PLCB1: variants seen among roughly 807,000 people sequenced by gnomAD.
The protein encoded by PLCB1 is 1-phosphatidylinositol 4,5-bisphosphate phosphodiesterase beta-1.
In PLCB1, 46 loss-of-function variants were observed where a neutral mutation model predicts 161.8. The ratio of observed to expected loss-of-function variants is 0.28; its 90% CI spans 0.22 to 0.36. The LOEUF (loss-of-function observed/expected upper bound fraction) is 0.36. PLCB1 is among the 10% of genes least tolerant of loss of function. PLCB1 has a pLI of 1.00. For synonymous variants in PLCB1, 517 were observed against 503.7 expected (o/e 1.03, Z -0.35); for missense variants, 1,016 against 1,472.5 (o/e 0.69, Z 5.07).
chr20:8,726,459 T>C (rs1377860098), intron 16 of PLCB1, among the ~76,000 whole-genome samples: 1 of 152,090 alleles, frequency 6.6e-6, no homozygotes, highest in African/African-American at 2.4e-5. Flanking sequence ...GAAAAGAGGT[T>C]TAGTTGACTC....
At chr20:8,836,866 A>C (rs1231069647) in intron 31 of PLCB1, among the ~76,000 whole-genome samples, 1 of 152,152 alleles carries the variant, frequency 6.6e-6, no homozygotes, top group African/African-American at 2.4e-5. Flanking sequence ...TCTGCCCTCG[A>C]GGAGACCTTT....
chr20:8,503,999 T>TAGA (rs1983530312), intron 3 of PLCB1, among the ~76,000 whole-genome samples: 1 of 152,116 alleles, frequency 6.6e-6, no homozygotes, highest in Non-Finnish European at 1.5e-5. Context: ...CATTACTCAG[T>TAGA]AGAACACTCT....
intron 2 of PLCB1, among the ~76,000 whole-genome samples, chr20:8,187,047 C>A (rs563913267): frequency 7.9e-5 from 12 of 152,258 alleles, no homozygotes; most frequent in Admixed American, 7.8e-4. Flanking sequence ...GGGATTCTTA[C>A]CAGTACATCT....
intron 31 of PLCB1, among the ~76,000 whole-genome samples, chr20:8,811,108 C>G (rs1053286040): frequency 2.0e-5 from 3 of 152,192 alleles, no homozygotes; most frequent in African/African-American, 7.2e-5. Flanking sequence ...GTATGAAGGG[C>G]ATGATCCCCA....
intron 31 of PLCB1, among the ~76,000 whole-genome samples, chr20:8,842,550 TC>T (rs1986545386): frequency 6.6e-6 from 1 of 152,148 alleles, no homozygotes; most frequent in African/African-American, 2.4e-5. Context: ...CAAGAACCCC[TC>T]AGACACCGAG....
At chr20:8,839,620 A>G (rs1036634098) in intron 31 of PLCB1, among the ~76,000 whole-genome samples, 2 of 152,190 alleles carry the variant, frequency 1.3e-5, no homozygotes, top group African/African-American at 4.8e-5. Flanking sequence ...CAAAGCAGGT[A>G]AGTGACTGGT....
rs141521014 is a variant in PLCB1, at chr20:8,805,638, T to C, written c.3423+15377T>C. On this transcript the variant is annotated intron_variant, in intron 31 of 31. Transcript: ENST00000338037. ...CACCTTTAAAGCACATAACATGTGT[T>C]ATCTTCTTATTCTTACCACTGTACA... Among the ~76,000 whole-genome samples the C allele has an allele frequency of 3.5e-4, 54 of 152,362 alleles. No individual in the cohort carries two copies. The East Asian group carries it at 8.3e-3, about 23-fold the overall frequency.
At chr20:8,552,679 C>CA (rs1208598373) in intron 3 of PLCB1, among the ~76,000 whole-genome samples, 2 of 151,880 alleles carry the variant, frequency 1.3e-5, no homozygotes, top group Non-Finnish European at 2.9e-5. Flanking sequence ...CCAAAAGTCA[C>CA]ACATACATAC....
chr20:8,617,265 G>C (rs1441119116), intron 3 of PLCB1, among the ~76,000 whole-genome samples: 1 of 152,074 alleles, frequency 6.6e-6, no homozygotes, highest in African/African-American at 2.4e-5. Context: ...GATACACACA[G>C]CCATTATGAT....
intron 3 of PLCB1, among the ~76,000 whole-genome samples, chr20:8,539,953 G>A (rs979143265): frequency 2.0e-5 from 3 of 152,060 alleles, no homozygotes; most frequent in African/African-American, 7.3e-5. Flanking sequence ...TGTGGTTGGA[G>A]GTTGTCAGTC....
intron 7 of PLCB1, among the ~76,000 whole-genome samples, chr20:8,654,037 T>C (rs1394778082): frequency 6.6e-6 from 1 of 152,088 alleles, no homozygotes; most frequent in Non-Finnish European, 1.5e-5. Flanking sequence ...ATTTTGAGTA[T>C]TTTTCATATG....
At chr20:8,828,753 G>C (rs979427781) in intron 31 of PLCB1, among the ~76,000 whole-genome samples, 30 of 152,156 alleles carry the variant, frequency 2.0e-4, no homozygotes, top group Admixed American at 1.6e-3. Flanking sequence ...TGGGGAGTGG[G>C]GAGAAAAAAC....
chr20:8,854,583 C>G (rs921195535), intron 31 of PLCB1, among the ~76,000 whole-genome samples: 8 of 152,192 alleles, frequency 5.3e-5, no homozygotes, highest in South Asian at 2.1e-4. Flanking sequence ...AAATTAATTA[C>G]GAAGCCAAGT....
Position 8,213,995 on chromosome 20 carries a change from C to A in PLCB1, c.177+63624C>A, listed in dbSNP as rs150304030. On this transcript the variant is annotated intron_variant, in intron 2 of 31. Transcript: ENST00000338037. Reference sequence around the variant, plus strand: ...CTAGCAGTTCTGTTATACTTTAATCCTTAAATATTAGACCAAAGCAGGGAC... The same window carrying A: ...CTAGCAGTTCTGTTATACTTTAATCATTAAATATTAGACCAAAGCAGGGAC... 9.9e-3 allele frequency among the ~76,000 whole-genome samples: 1,501 copies of A among 152,040 alleles called. 27 individuals are homozygous for A. Among genetic ancestry groups the A allele is most frequent in the African/African-American group, 0.031 (1,280 of 41,444 alleles).
chr20:8,718,760 G>A (rs1218805385), intron 14 of PLCB1, among the ~76,000 whole-genome samples: 3 of 152,148 alleles, frequency 2.0e-5, no homozygotes, highest in Non-Finnish European at 2.9e-5. Context: ...TCATTATTCT[G>A]GCTACCATGT....
intron 3 of PLCB1, among the ~76,000 whole-genome samples, chr20:8,422,835 T>A (rs1431328155): frequency 6.6e-6 from 1 of 152,160 alleles, no homozygotes; most frequent in African/African-American, 2.4e-5. Context: ...AATTATTGAT[T>A]CTGGGTTCAA....
intron 9 of PLCB1, among the ~76,000 whole-genome samples, chr20:8,667,769 T>C (rs1166151349): frequency 6.6e-6 from 1 of 152,238 alleles, no homozygotes; most frequent in African/African-American, 2.4e-5. Flanking sequence ...CCCCATAGTC[T>C]GCTGAGTCTT....
chr20:8,575,045 T>C (rs992829457), intron 3 of PLCB1, among the ~76,000 whole-genome samples: 1 of 152,210 alleles, frequency 6.6e-6, no homozygotes, highest in African/African-American at 2.4e-5. Flanking sequence ...GGACCTCCAA[T>C]TCCCCCTTAG....
At position 8,806,105 on chromosome 20, in the gene PLCB1, A is replaced by G. The variant is rs115004103; in HGVS notation, c.3423+15844A>G. Among the ~76,000 whole-genome samples, 768 of 152,280 alleles carry G rather than the reference A, an allele frequency of 5.0e-3. 6 individuals carry two copies. The highest frequency in any genetic ancestry group is 0.018 in the African/African-American group (735 of 41,562). On this transcript the variant is annotated intron_variant, in intron 31 of 31. Transcript: ENST00000338037. ...CACAGGCAGCACGTTCACATTGCTC[A>G]AAGTCACTTGTTTTTAGCAAACTTC...
Sources: allele counts gnomAD v4.1 joint callset (sites outside exome capture counted in the v4.1 genomes callset), GRCh38; gene constraint gnomAD v4.1.1; transcripts MANE v1.5; gene names NCBI Gene and HGNC (gene_info 2026-07-23, HGNC 2026-07-21).